The following TTLL5 variants were observed in gnomAD, a reference collection of about 807,000 sequenced individuals.
TTLL5 encodes the protein tubulin polyglutamylase TTLL5.
Under a neutral mutation model 168.4 loss-of-function variants are expected in TTLL5, and 132 were observed. That is an observed-to-expected ratio of 0.78 (90% CI 0.68 to 0.91). The LOEUF (loss-of-function observed/expected upper bound fraction) is 0.91, where lower values mean the gene tolerates loss of function less well. TTLL5 is among the 40% of genes least tolerant of loss of function. The pLI is 0.00. For synonymous variants in TTLL5, 546 were observed against 558.6 expected, an observed-to-expected ratio of 0.98 and a Z score of 0.32; for missense variants, 1,545 against 1,581.5, an observed-to-expected ratio of 0.98 and a Z score of 0.39.
intron 19 of TTLL5, among the ~76,000 whole-genome samples, chr14:75,765,853 C>A (rs1400257225): frequency 6.6e-6 from 1 of 151,814 alleles, no homozygotes; most frequent in Admixed American, 6.6e-5. Flanking sequence ...CAGAGCGAGA[C>A]CCTGAATCAA....
At chr14:75,843,195 T>C (rs1243131514) in intron 28 of TTLL5, among the ~76,000 whole-genome samples, 1 of 152,166 alleles carries the variant, frequency 6.6e-6, no homozygotes, top group African/African-American at 2.4e-5. Flanking sequence ...TTGAAAACCC[T>C]CTAGTCTGAA....
chr14:75,874,933 C>CCTTTTTT lies in TTLL5; in HGVS notation c.3523-7752_3523-7751insCTTTTTT, dbSNP rs778792332. On this transcript the variant is annotated intron_variant, in intron 29 of 31. Coordinates refer to ENST00000298832, the MANE Select transcript of TTLL5 (RefSeq NM_015072.5). ...AGAGAAAAAAAAAGACACTGGGGGC[C>CCTTTTTT]TTTTTTTTTTTTTTTTTTGAGACGG... 5.0e-3 allele frequency among the ~76,000 whole-genome samples: 490 copies of CCTTTTTT among 97,458 alleles called. 111 individuals are homozygous for CCTTTTTT. The highest frequency in any genetic ancestry group is 5.0e-3 in the Admixed American group (45 of 9,022). The allele number at this position is 97,458 out of a possible 152,430, so 63.9% of individuals were successfully genotyped here. A position where few individuals can be genotyped will look rare whatever the true frequency, so the allele number is the denominator to read the frequency against.
intron 31 of TTLL5, among the ~76,000 whole-genome samples, chr14:75,926,678 G>T (rs2034082341): frequency 6.6e-6 from 1 of 152,220 alleles, no homozygotes; most frequent in Admixed American, 6.5e-5. Flanking sequence ...AGATGAGGAT[G>T]TGGAGAAATT....
intron 26 of TTLL5, among the ~76,000 whole-genome samples, chr14:75,785,399 C>G (rs925377656): frequency 6.6e-6 from 1 of 152,068 alleles, no homozygotes; most frequent in Non-Finnish European, 1.5e-5. Context: ...AGGATGGTCT[C>G]GATCTCTTGA....
chr14:75,922,359 G>A (rs984740054), intron 31 of TTLL5, among the ~76,000 whole-genome samples: 4 of 152,142 alleles, frequency 2.6e-5, no homozygotes, highest in African/African-American at 9.7e-5. Context: ...TATGATATTG[G>A]CTGTGGGTTT....
At chr14:75,894,512 G>A (rs893397272) in intron 30 of TTLL5, among the ~76,000 whole-genome samples, 37 of 152,160 alleles carry the variant, frequency 2.4e-4, no homozygotes, top group African/African-American at 2.6e-4. Context: ...GAGATCACAC[G>A]CCACTGCACT....
intron 31 of TTLL5, among the ~76,000 whole-genome samples, chr14:75,925,838 T>A (rs960539227): frequency 2.0e-5 from 3 of 152,008 alleles, no homozygotes; most frequent in Non-Finnish European, 4.4e-5. Context: ...CACTCGCGGT[T>A]AGGAGCTGGA....
At chr14:75,792,847 T>C in intron 26 of TTLL5, 69 bp from the exon 27 acceptor site, 1 of 1,398,444 alleles carries the variant, frequency 7.2e-7, no homozygotes, top group South Asian at 1.7e-5. Flanking sequence ...CTGAGATTTC[T>C]GTCATTATCC....
intron 21 of TTLL5, among the ~76,000 whole-genome samples, chr14:75,772,687 A>T (rs1891416288): frequency 7.0e-6 from 1 of 143,236 alleles, no homozygotes; most frequent in South Asian, 2.2e-4. Context: ...TTTTTTTTTG[A>T]GACAGAGTCT....
At chr14:75,954,381 G>A (rs1233132484) in intron 31 of TTLL5, 43 bp from the exon 32 acceptor site, 2 of 1,610,076 alleles carry the variant, frequency 1.2e-6, no homozygotes, top group Non-Finnish European at 8.5e-7. Flanking sequence ...AAAACCCCAT[G>A]CTGTCATTTC....
Position 75,663,165 on chromosome 14 carries a change from G to A in TTLL5, c.16G>A (p.Ala6Thr), listed in dbSNP as rs779379253. Residue 6 changes from alanine (A) to threonine (T), a missense_variant, in exon 2 of 32, where the codon GCC becomes ACC. Transcript: ENST00000298832. MPIVM[A>T]RDLEETASSS... ...CCTAAAGGAAATGCCAATCGTGATG[G>A]CCCGGGACCTGGAGGAAACAGCATC... is the stretch of plus-strand genomic sequence containing the variant. 9 of 1,613,610 alleles carry A rather than the reference G, an allele frequency of 5.6e-6. No individual in the cohort carries two copies. The East Asian group carries it at 2.0e-4, about 36-fold the overall frequency.
intron 28 of TTLL5, among the ~76,000 whole-genome samples, chr14:75,836,017 C>A (rs137967336): frequency 0.015 from 2,226 of 152,304 alleles, 18 homozygotes; most frequent in South Asian, 0.025. Context: ...AGCTACCATA[C>A]AACCCAGCAG....
intron 28 of TTLL5, among the ~76,000 whole-genome samples, chr14:75,841,832 ATCT>A (rs1896274102): frequency 6.6e-6 from 1 of 152,170 alleles, no homozygotes. Flanking sequence ...GGCAAATAAA[ATCT>A]TCTCAGAGGT....
At chr14:75,702,684 C>T (rs1318441679) in intron 7 of TTLL5, among the ~76,000 whole-genome samples, 1 of 152,094 alleles carries the variant, frequency 6.6e-6, no homozygotes, top group African/African-American at 2.4e-5. Flanking sequence ...ATGTGTTTGG[C>T]AGGCTATGTA....
intron 12 of TTLL5, among the ~76,000 whole-genome samples, chr14:75,722,021 A>T (rs1481448907): frequency 2.0e-5 from 3 of 152,242 alleles, no homozygotes; most frequent in African/African-American, 7.2e-5. Flanking sequence ...GAAACTTGAT[A>T]TGACCTGAAA....
At chr14:75,662,371 C>T (rs1890793982) in intron 1 of TTLL5, among the ~76,000 whole-genome samples, 1 of 150,990 alleles carries the variant, frequency 6.6e-6, no homozygotes, top group Admixed American at 6.6e-5. Flanking sequence ...GTTGCCCAGG[C>T]TGGAGTGCAA....
chr14:75,919,377 T>C (rs891362404), intron 31 of TTLL5, among the ~76,000 whole-genome samples: 3 of 152,164 alleles, frequency 2.0e-5, no homozygotes, highest in Non-Finnish European at 2.9e-5. Context: ...AGGATTTTAA[T>C]CTAATAGTGA....
chr14:75,705,031 G>A (rs1487573388), intron 7 of TTLL5, among the ~76,000 whole-genome samples: 2 of 152,190 alleles, frequency 1.3e-5, no homozygotes, highest in African/African-American at 4.8e-5. Flanking sequence ...GAAGAGAGCT[G>A]TGATTGTTTG....
chr14:75,742,688 A>AT (rs1889348165), intron 15 of TTLL5, among the ~76,000 whole-genome samples: 1 of 152,158 alleles, frequency 6.6e-6, no homozygotes, highest in Non-Finnish European at 1.5e-5. Context: ...GAGCCACCAC[A>AT]CCAGGCTTTG....
Sources: gnomAD v4.1 joint callset for allele counts (sites outside exome capture counted in the v4.1 genomes callset) on GRCh38, gnomAD v4.1.1 for gene constraint, MANE v1.5 for transcripts, NCBI Gene and HGNC (gene_info 2026-07-23, HGNC 2026-07-21) for gene names.